Variants in BBS9 observed in about 807,000 individuals in gnomAD.
BBS9 encodes the protein protein PTHB1.
Under a neutral mutation model 117.7 loss-of-function variants are expected in BBS9, and 89 were observed. The observed-to-expected ratio is 0.76, with a 90% CI of 0.64 to 0.90. The LOEUF (loss-of-function observed/expected upper bound fraction) is 0.90. Ranked by LOEUF, BBS9 falls within the 40% of genes least tolerant of loss-of-function variation. The pLI is 0.00. For synonymous variants in BBS9, 379 were observed against 370.9 expected (o/e 1.02, Z -0.25); for missense variants, 982 against 1,042.2 (o/e 0.94, Z 0.80).
downstream of BBS9, among the ~76,000 whole-genome samples, chr7:33,608,428 G>A (rs1864696400): frequency 6.6e-6 from 1 of 152,060 alleles, no homozygotes; most frequent in Admixed American, 6.6e-5. Context: ...TAGGTGGAAT[G>A]GTAGTTCTAA....
At chr7:33,165,076 C>G (rs1368899265) in intron 4 of BBS9, among the ~76,000 whole-genome samples, 2 of 152,028 alleles carry the variant, frequency 1.3e-5, no homozygotes, top group Non-Finnish European at 2.9e-5. Context: ...TTTATTTCTC[C>G]TTCACTTATT....
chr7:33,450,870 T>TG (rs1837711553), intron 19 of BBS9, among the ~76,000 whole-genome samples: 1 of 141,138 alleles, frequency 7.1e-6, no homozygotes, highest in Non-Finnish European at 1.5e-5. Flanking sequence ...AGAAGTTTTT[T>TG]TTTTTTGTTT....
chr7:33,375,575 AT>A (rs2128730290), intron 17 of BBS9, among the ~76,000 whole-genome samples: 1 of 148,144 alleles, frequency 6.8e-6, no homozygotes, highest in East Asian at 2.0e-4. Context: ...CTAATTGCAA[AT>A]TTCTTTCTTT....
chr7:33,595,545 G>A (rs1165700490), intron 21 of BBS9, among the ~76,000 whole-genome samples: 2 of 152,156 alleles, frequency 1.3e-5, no homozygotes, highest in Non-Finnish European at 2.9e-5. Flanking sequence ...ATAGATGCTG[G>A]TGAGGCTGTG....
At chr7:33,549,396 G>A (rs1343249575) in intron 21 of BBS9, among the ~76,000 whole-genome samples, 1 of 145,800 alleles carries the variant, frequency 6.9e-6, no homozygotes, top group Non-Finnish European at 1.5e-5. Context: ...AACACCAAAA[G>A]CAATGGCAAC....
chr7:33,521,146 G>A (rs1848531400), intron 20 of BBS9, among the ~76,000 whole-genome samples: 1 of 152,112 alleles, frequency 6.6e-6, no homozygotes, highest in Non-Finnish European at 1.5e-5. Context: ...CCAGGATCAC[G>A]TTTTATAATA....
intron 9 of BBS9, among the ~76,000 whole-genome samples, chr7:33,279,920 T>G (rs1023781259): frequency 6.6e-6 from 1 of 152,194 alleles, no homozygotes; most frequent in African/African-American, 2.4e-5. Context: ...AGATATCAAA[T>G]AAATATATCT....
At chr7:33,565,710 C>T (rs183196608) in intron 21 of BBS9, among the ~76,000 whole-genome samples, 76 of 144,876 alleles carry the variant, frequency 5.2e-4, no homozygotes, top group Admixed American at 4.1e-3. Context: ...TGGAAACTTG[C>T]ATAATAGCCA....
intron 21 of BBS9, among the ~76,000 whole-genome samples, chr7:33,574,684 A>AAC (rs371229936): frequency 0.11 from 15,317 of 137,296 alleles, 918 homozygotes; most frequent in Non-Finnish European, 0.14. Context: ...AGTCATAGAA[A>AAC]ACACACACAC....
chr7:33,337,273 A>C (rs1036295538), intron 10 of BBS9, among the ~76,000 whole-genome samples: 1 of 152,152 alleles, frequency 6.6e-6, no homozygotes, highest in Non-Finnish European at 1.5e-5. Context: ...CTGCAGTTTG[A>C]GTTGGACATG....
chr7:33,549,830 G>T (rs1028358098), intron 21 of BBS9, among the ~76,000 whole-genome samples: 1 of 152,080 alleles, frequency 6.6e-6, no homozygotes, highest in Non-Finnish European at 1.5e-5. Flanking sequence ...AAATTGCATC[G>T]ATTTGCCAAA....
chr7:33,550,791 G>T (rs1295020368), intron 21 of BBS9, among the ~76,000 whole-genome samples: 1 of 151,948 alleles, frequency 6.6e-6, no homozygotes. Context: ...CTTGTTCCTG[G>T]TGGTTCTCAG....
At chr7:33,513,693 C>A (rs1445110000) in intron 20 of BBS9, among the ~76,000 whole-genome samples, 1 of 152,118 alleles carries the variant, frequency 6.6e-6, no homozygotes, top group East Asian at 1.9e-4. Context: ...TATAGTCAAA[C>A]CACCATAAAT....
chr7:33,236,950 T>C (rs1036471773), intron 5 of BBS9, among the ~76,000 whole-genome samples: 2 of 152,198 alleles, frequency 1.3e-5, no homozygotes, highest in African/African-American at 2.4e-5. Flanking sequence ...GTTTTACACA[T>C]GCATACACAT....
chr7:33,141,689 A>G (rs1200853339), intron 1 of BBS9, among the ~76,000 whole-genome samples: 1 of 152,098 alleles, frequency 6.6e-6, no homozygotes, highest in Non-Finnish European at 1.5e-5. Context: ...TTTATGTTAG[A>G]TGCACTTTTT....
intron 9 of BBS9, among the ~76,000 whole-genome samples, chr7:33,307,481 T>C (rs1425521674): frequency 6.6e-6 from 1 of 152,154 alleles, no homozygotes; most frequent in Non-Finnish European, 1.5e-5. Context: ...ATCTTTGCCT[T>C]AACTATTGCA....
At chr7:33,564,747 A>C (rs1856600420) in intron 21 of BBS9, among the ~76,000 whole-genome samples, 1 of 152,240 alleles carries the variant, frequency 6.6e-6, no homozygotes, top group Non-Finnish European at 1.5e-5. Context: ...GAATAACAAC[A>C]ATCTCACAAA....
chr7:33,368,239 T>A (rs1584518076), intron 17 of BBS9, among the ~76,000 whole-genome samples: 1 of 152,282 alleles, frequency 6.6e-6, no homozygotes, highest in South Asian at 2.1e-4. Flanking sequence ...TGGGAACTCC[T>A]AGAACTTGGA....
At chr7:33,180,730 G>A (rs531156988) in intron 5 of BBS9, among the ~76,000 whole-genome samples, 12 of 152,278 alleles carry the variant, frequency 7.9e-5, no homozygotes, top group East Asian at 5.8e-4. Context: ...CTGGTGGCCC[G>A]TATGGGAGCC....
Sources: gnomAD v4.1 joint callset for allele counts (sites outside exome capture counted in the v4.1 genomes callset) on GRCh38, gnomAD v4.1.1 for gene constraint, MANE v1.5 for transcripts, NCBI Gene and HGNC (gene_info 2026-07-23, HGNC 2026-07-21) for gene names.